The following MB21D2 variants were observed in gnomAD, a reference collection of about 807,000 sequenced individuals.
The protein encoded by MB21D2 is Mab-21 domain containing 2.
Under a neutral mutation model 33.3 loss-of-function variants are expected in MB21D2, and 9 were observed. The observed-to-expected ratio is 0.27, with a 90% CI of 0.16 to 0.47. MB21D2 has a LOEUF of 0.47. Ranked by LOEUF, MB21D2 falls within the 20% of genes least tolerant of loss-of-function variation. The pLI, the probability that MB21D2 is intolerant of heterozygous loss-of-function variation, is 0.99. For synonymous variants in MB21D2, 241 were observed against 236.3 expected, an observed-to-expected ratio of 1.02 and a Z score of -0.18; for missense variants, 540 against 624.6, an observed-to-expected ratio of 0.86 and a Z score of 1.44.
intron 1 of MB21D2, among the ~76,000 whole-genome samples, chr3:192,864,608 GCGATTCTCCTGCCTTGGCCTC>G (rs1713127837): frequency 6.6e-6 from 1 of 152,152 alleles, no homozygotes; most frequent in African/African-American, 2.4e-5. Context: ...CTGGGTTCAA[GCGATTCTCCTGCCTTGGCCTC>G]CCAAGTAGCT....
At chr3:192,893,276 C>T (rs1223017118) in intron 1 of MB21D2, among the ~76,000 whole-genome samples, 2 of 152,212 alleles carry the variant, frequency 1.3e-5, no homozygotes, top group African/African-American at 4.8e-5. Context: ...ACCGAAACTG[C>T]GTTCCAAACA....
At chr3:192,857,033 TAC>T (rs1712932630) in intron 1 of MB21D2, among the ~76,000 whole-genome samples, 1 of 152,132 alleles carries the variant, frequency 6.6e-6, no homozygotes, top group Admixed American at 6.5e-5. Flanking sequence ...AAGAAAAAAG[TAC>T]TTGCACTTCA....
intron 1 of MB21D2, among the ~76,000 whole-genome samples, chr3:192,869,965 A>T (rs1276435772): frequency 6.6e-6 from 1 of 152,370 alleles, no homozygotes; most frequent in Admixed American, 6.5e-5. Flanking sequence ...AATAAACTGC[A>T]TATCAATAGT....
At chr3:192,819,515 G>A (rs1340517684) in intron 1 of MB21D2, among the ~76,000 whole-genome samples, 1 of 152,158 alleles carries the variant, frequency 6.6e-6, no homozygotes, top group Non-Finnish European at 1.5e-5. Flanking sequence ...CGACCACTTG[G>A]ATCGGTTTTA....
In MB21D2 at chr3:192,917,831, C is replaced by T; in HGVS notation, c.10G>A (p.Ala4Thr). MKM[A>T]APTANKAASL... ...GCTGCCTTGTTGGCGGTGGGAGCCG[C>T]CATCTTCATGCAAAACGCGCCGAGT... Residue 4 changes from alanine (A) to threonine (T), a missense_variant, in exon 1 of 2, where the codon GCG becomes ACG. Ala to Thr is a moderately conservative substitution (Grantham distance 58). Coordinates refer to ENST00000392452, the MANE Select transcript of MB21D2 (RefSeq NM_178496.4). The T allele has an allele frequency of 6.2e-7, 1 of 1,608,822 alleles. No homozygotes were observed. The highest frequency in any genetic ancestry group is 8.5e-7 in the Non-Finnish European group (1 of 1,177,502).
At chr3:192,888,913 C>G (rs932398758) in intron 1 of MB21D2, among the ~76,000 whole-genome samples, 1 of 151,906 alleles carries the variant, frequency 6.6e-6, no homozygotes, top group Admixed American at 6.6e-5. Context: ...GCTCTGTCAC[C>G]CAGGCTGGAG....
rs138081661 is a variant in MB21D2, at chr3:192,816,948, G to T, written c.212-17298C>A. ...CACTTAATTGAAACAGTTACATAAAGCTCCAAGCAGAGTTTCTGGAACTTT... is the reference window on the plus strand; with the variant it reads ...CACTTAATTGAAACAGTTACATAAATCTCCAAGCAGAGTTTCTGGAACTTT... On this transcript the variant is annotated intron_variant, in intron 1 of 1. Transcript: ENST00000392452. Among the ~76,000 whole-genome samples, 580 of 152,054 alleles carry T rather than the reference G, an allele frequency of 3.8e-3. 3 individuals are homozygous for T. Among genetic ancestry groups the T allele is most frequent in the African/African-American group, 0.012 (514 of 41,476 alleles).
chr3:192,849,291 T>A (rs1367761463), intron 1 of MB21D2, among the ~76,000 whole-genome samples: 5 of 126,170 alleles, frequency 4.0e-5, no homozygotes, highest in African/African-American at 1.5e-4. Context: ...CATCTTCAAG[T>A]GCAAGTTTTT....
In MB21D2 at chr3:192,798,514, G is replaced by A. The variant is rs763682756; in HGVS notation, c.1348C>T (p.Pro450Ser). 2 of 1,614,194 alleles carry A rather than the reference G, an allele frequency of 1.2e-6. No homozygotes were observed. The highest frequency in any genetic ancestry group is 1.7e-5 in the Admixed American group (1 of 60,026). ...AGTTTTTTTGCCAAACGGTCATCAGGCTGGTTGGGGTCCCCTCCGTCAGAC... is the reference window on the plus strand; with the variant it reads ...AGTTTTTTTGCCAAACGGTCATCAGACTGGTTGGGGTCCCCTCCGTCAGAC... ...PQSDGGDPNQ[P>S]DDRLAKKLQQ... is the part of the protein sequence containing the mutation. Residue 450 changes from proline (P) to serine (S), a missense_variant, in exon 2 of 2, where the codon CCT becomes TCT. Pro to Ser is a moderately conservative substitution (Grantham distance 74). Transcript: ENST00000392452. The surrounding 1 kb of genome is among the most constrained non-coding windows in gnomAD (Gnocchi z 4.8).
At chr3:192,864,762 C>T (rs1713132375) in intron 1 of MB21D2, among the ~76,000 whole-genome samples, 3 of 152,170 alleles carry the variant, frequency 2.0e-5, no homozygotes, top group Admixed American at 2.0e-4. Flanking sequence ...CCGCCTCAGC[C>T]TCCCAAAGTG....
At chr3:192,813,296 GTTAA>G (rs1240838888) in intron 1 of MB21D2, among the ~76,000 whole-genome samples, 4 of 102,860 alleles carry the variant, frequency 3.9e-5, no homozygotes, top group Non-Finnish European at 5.8e-5. Flanking sequence ...ACTTACTGCA[GTTAA>G]TTTTTTTTTT....
At chr3:192,904,084 T>C (rs1037326700) in intron 1 of MB21D2, among the ~76,000 whole-genome samples, 14 of 152,352 alleles carry the variant, frequency 9.2e-5, no homozygotes, top group Non-Finnish European at 1.9e-4. Context: ...GTGTTAGGAC[T>C]GATTTAGCTA....
In MB21D2 at chr3:192,895,731, T is replaced by G. The variant is rs999167452; in HGVS notation, c.211+21899A>C. Among the ~76,000 whole-genome samples, 138 of 26,382 alleles carry G rather than the reference T, an allele frequency of 5.2e-3. 1 individual carries two copies. Among genetic ancestry groups the G allele is most frequent in the African/African-American group, 0.019 (110 of 5,642 alleles). The allele number at this position is 26,382 out of a possible 152,430, so 17.3% of individuals were successfully genotyped here. ...ACTCAAGTTGTTGGGTTTTTGGGGT[T>G]TTTTTTTGTTTGTTTTTTTGAGACC... On this transcript the variant is annotated intron_variant, in intron 1 of 1. Transcript: ENST00000392452.
At chr3:192,838,340 G>T (rs1712485181) in intron 1 of MB21D2, among the ~76,000 whole-genome samples, 2 of 151,878 alleles carry the variant, frequency 1.3e-5, no homozygotes, top group Admixed American at 6.6e-5. Context: ...TTCCACTTTT[G>T]TCCATGCATT....
chr3:192,892,830 C>T (rs937154138), intron 1 of MB21D2, among the ~76,000 whole-genome samples: 1 of 152,072 alleles, frequency 6.6e-6, no homozygotes, highest in Admixed American at 6.5e-5. Context: ...TCTATAATTA[C>T]CCTAATGTTT....
intron 1 of MB21D2, among the ~76,000 whole-genome samples, chr3:192,800,833 C>G (rs1173723828): frequency 6.6e-6 from 1 of 152,122 alleles, no homozygotes; most frequent in African/African-American, 2.4e-5. Flanking sequence ...TAGACATTTT[C>G]TTCAGAAATG....
At chr3:192,887,605 A>G (rs552381570) in intron 1 of MB21D2, among the ~76,000 whole-genome samples, 1 of 152,128 alleles carries the variant, frequency 6.6e-6, no homozygotes, top group Non-Finnish European at 1.5e-5. Context: ...GAAAAAACAA[A>G]GGTATATGGG....
At chr3:192,808,094 G>T (rs1177437766) in intron 1 of MB21D2, among the ~76,000 whole-genome samples, 2 of 152,102 alleles carry the variant, frequency 1.3e-5, no homozygotes, top group African/African-American at 4.8e-5. Flanking sequence ...TCTCTTTTTG[G>T]CAGTTAAATG....
intron 1 of MB21D2, among the ~76,000 whole-genome samples, chr3:192,878,487 T>C (rs574506721): frequency 6.6e-6 from 1 of 152,362 alleles, no homozygotes; most frequent in African/African-American, 2.4e-5. Context: ...CAGCAGCATC[T>C]TCTGGTCTAG....
Sources: allele counts gnomAD v4.1 joint callset (sites outside exome capture counted in the v4.1 genomes callset), GRCh38; gene constraint gnomAD v4.1.1; non-coding constraint Gnocchi (gnomAD v3.1); transcripts MANE v1.5; gene names NCBI Gene and HGNC (gene_info 2026-07-23, HGNC 2026-07-21).